The following KCNQ5 variants were observed in gnomAD, a reference collection of about 807,000 sequenced individuals.
KCNQ5 encodes the protein potassium voltage-gated channel subfamily Q member 5.
Under a neutral mutation model 98.2 loss-of-function variants are expected in KCNQ5, and 30 were observed. That is an observed-to-expected ratio of 0.31 (90% CI 0.23 to 0.41). The LOEUF (loss-of-function observed/expected upper bound fraction) is 0.41, where lower values mean the gene tolerates loss of function less well. KCNQ5 is among the 10% of genes least tolerant of loss of function. The pLI, the probability that KCNQ5 is intolerant of heterozygous loss-of-function variation, is 1.00. For synonymous variants in KCNQ5, 458 were observed against 449.4 expected, an observed-to-expected ratio of 1.02 and a Z score of -0.24; for missense variants, 835 against 1,182.5, an observed-to-expected ratio of 0.71 and a Z score of 4.31.
At chr6:72,666,435 G>C (rs935918901) in intron 1 of KCNQ5, among the ~76,000 whole-genome samples, 7 of 152,140 alleles carry the variant, frequency 4.6e-5, no homozygotes, top group African/African-American at 1.7e-4. Flanking sequence ...ACTTAAAAAT[G>C]AAAGAGCATT....
intron 3 of KCNQ5, among the ~76,000 whole-genome samples, chr6:73,076,747 GC>G (rs1475942614): frequency 1.9e-4 from 29 of 152,268 alleles, no homozygotes; most frequent in African/African-American, 6.3e-4. Flanking sequence ...CTTAGCTGAG[GC>G]CTTTGTTAAA....
At chr6:72,887,907 G>A (rs182429354) in intron 1 of KCNQ5, among the ~76,000 whole-genome samples, 2 of 152,042 alleles carry the variant, frequency 1.3e-5, no homozygotes, top group Admixed American at 1.3e-4. Flanking sequence ...CTAAATACTT[G>A]AATTAAAAGA....
intron 1 of KCNQ5, among the ~76,000 whole-genome samples, chr6:72,802,874 C>T (rs150706621): frequency 4.3e-3 from 649 of 152,218 alleles, no homozygotes; most frequent in Non-Finnish European, 7.1e-3. Flanking sequence ...AAACTCTGTG[C>T]TCATATAAAC....
intron 1 of KCNQ5, among the ~76,000 whole-genome samples, chr6:72,910,283 T>C: frequency 6.6e-6 from 1 of 152,184 alleles, no homozygotes; most frequent in Non-Finnish European, 1.5e-5. Context: ...ACAGGACCTT[T>C]AAGTTGAATT....
intron 7 of KCNQ5, among the ~76,000 whole-genome samples, chr6:73,120,219 C>T (rs1163713877): frequency 6.6e-6 from 1 of 152,168 alleles, no homozygotes; most frequent in East Asian, 1.9e-4. Flanking sequence ...GCACTCCAGC[C>T]TGGGCAACAG....
At chr6:73,169,499 G>T (rs1777925780) in intron 10 of KCNQ5, among the ~76,000 whole-genome samples, 2 of 152,248 alleles carry the variant, frequency 1.3e-5, no homozygotes, top group Non-Finnish European at 2.9e-5. Flanking sequence ...GTACTGGAAA[G>T]ATAATGTGTC....
chr6:72,764,140 G>C (rs1212161272), intron 1 of KCNQ5, among the ~76,000 whole-genome samples: 1 of 151,768 alleles, frequency 6.6e-6, no homozygotes, highest in Non-Finnish European at 1.5e-5. Flanking sequence ...TTAGAACACT[G>C]GGAAATGTTC....
chr6:72,693,315 G>A lies in KCNQ5; in HGVS notation c.398+70728G>A, dbSNP rs75153379. Among the ~76,000 whole-genome samples, 267 of 152,276 alleles carry A rather than the reference G, an allele frequency of 1.8e-3. 1 individual carries two copies. The highest frequency in any genetic ancestry group is 5.9e-3 in the African/African-American group (245 of 41,570). On this transcript the variant is annotated intron_variant, in intron 1 of 13. Transcript: ENST00000370398. ...AGGAGAGTGTGTTTGGGAGCAAGATGTGGAGAGATTTTAAGAGAGAAGAGT... is the reference window on the plus strand; with the variant it reads ...AGGAGAGTGTGTTTGGGAGCAAGATATGGAGAGATTTTAAGAGAGAAGAGT...
At chr6:72,704,012 G>A (rs1215531749) in intron 1 of KCNQ5, among the ~76,000 whole-genome samples, 3 of 152,028 alleles carry the variant, frequency 2.0e-5, no homozygotes, top group African/African-American at 2.4e-5. Context: ...ACTTTTCTAC[G>A]AAAATAAAAA....
chr6:72,987,560 C>A, intron 1 of KCNQ5: 3 of 629,990 alleles, frequency 4.8e-6, no homozygotes, highest in South Asian at 3.0e-5. Context: ...ATTGCAAGGT[C>A]CAACATAGCC....
intron 1 of KCNQ5, among the ~76,000 whole-genome samples, chr6:72,824,759 GTCTC>G (rs533370329): frequency 2.0e-5 from 3 of 151,574 alleles, no homozygotes; most frequent in Admixed American, 6.6e-5. Context: ...CCTACATTTA[GTCTC>G]TCTCTCTTTC....
At chr6:73,020,736 C>T (rs577171039) in intron 2 of KCNQ5, among the ~76,000 whole-genome samples, 6 of 152,270 alleles carry the variant, frequency 3.9e-5, no homozygotes, top group African/African-American at 1.4e-4. Flanking sequence ...TACAAAAAGA[C>T]ACTTATCACT....
intron 10 of KCNQ5, among the ~76,000 whole-genome samples, chr6:73,157,190 C>T (rs973781104): frequency 6.6e-6 from 1 of 152,252 alleles, no homozygotes; most frequent in Non-Finnish European, 1.5e-5. Flanking sequence ...CGAGCGGGAG[C>T]TACCGAAGCA....
chr6:73,095,144 T>C, intron 5 of KCNQ5, among the ~76,000 whole-genome samples: 1 of 152,226 alleles, frequency 6.6e-6, no homozygotes, highest in Non-Finnish European at 1.5e-5. Context: ...TTTGTCTTTA[T>C]GGAGTGCGTT....
At chr6:72,945,404 A>C (rs9360620) in intron 1 of KCNQ5, among the ~76,000 whole-genome samples, 521 of 100,498 alleles carry the variant, frequency 5.2e-3, no homozygotes, top group African/African-American at 7.2e-3. Context: ...CCCTCCCCCC[A>C]CCCCCCACCC....
chr6:73,044,466 T>C (rs2150359653), intron 3 of KCNQ5, among the ~76,000 whole-genome samples: 1 of 152,342 alleles, frequency 6.6e-6, no homozygotes, highest in Non-Finnish European at 1.5e-5. Context: ...AGGATAATTA[T>C]GAATTTTTTA....
chr6:73,002,237 G>A (rs549775848), intron 1 of KCNQ5, among the ~76,000 whole-genome samples: 1 of 152,234 alleles, frequency 6.6e-6, no homozygotes, highest in South Asian at 2.1e-4. Flanking sequence ...GTTTAGAATG[G>A]CAACCCCTTT....
rs1771472418 is a variant in KCNQ5, at chr6:73,037,212, GT to G, written c.490-4719del. Among the ~76,000 whole-genome samples, 5 of 152,152 alleles carry G rather than the reference GT, an allele frequency of 3.3e-5. No individual in the cohort carries two copies. In the South Asian group the frequency reaches 1.0e-3, roughly 32 times the overall value. The stretch of plus-strand genomic sequence containing the variant: ...ATACCTTTGCCAATTTTCTAATTGA[GT>G]TTTTGGTTTTTTACTGTTGAGTTTT... On this transcript the variant is annotated intron_variant, in intron 2 of 13. Coordinates refer to ENST00000370398, the MANE Select transcript of KCNQ5 (RefSeq NM_019842.4).
rs540984111 is a variant in KCNQ5, at chr6:72,851,848, T to G, written c.399-152060T>G. On this transcript the variant is annotated intron_variant, in intron 1 of 13. Transcript: ENST00000370398. ...TTTTCTTGAAAATAATTGAGATACT[T>G]TTTCCACAACAAGATTTTTATATGT... Among the ~76,000 whole-genome samples, 32 of 152,260 alleles carry G rather than the reference T, an allele frequency of 2.1e-4. No homozygotes were observed. The South Asian group carries it at 3.5e-3, about 17-fold the overall frequency.
Sources: gnomAD v4.1 joint callset for allele counts (sites outside exome capture counted in the v4.1 genomes callset) on GRCh38, gnomAD v4.1.1 for gene constraint, MANE v1.5 for transcripts, NCBI Gene and HGNC (gene_info 2026-07-23, HGNC 2026-07-21) for gene names.